FOXP1: variants seen among roughly 807,000 people sequenced by gnomAD.
The protein encoded by FOXP1 is forkhead box P1, also known as forkhead box protein P1.
In FOXP1, 15 loss-of-function variants were observed where a neutral mutation model predicts 98.2. That is an observed-to-expected ratio of 0.15 (90% CI 0.10 to 0.24). The LOEUF (loss-of-function observed/expected upper bound fraction) is 0.24. FOXP1 is among the 10% of genes least tolerant of loss of function. The pLI is 1.00. For missense variants in FOXP1, 633 were observed against 848.5 expected (o/e 0.75, Z 3.15); for synonymous variants, 371 against 314.5 (o/e 1.18, Z -1.90).
intron 6 of FOXP1, among the ~76,000 whole-genome samples, chr3:71,161,721 T>C (rs951000588): frequency 6.6e-6 from 1 of 152,238 alleles, no homozygotes; most frequent in Admixed American, 6.5e-5. Flanking sequence ...CCATCAGAGT[T>C]GTGCTTTACA....
rs112098084 is a variant in FOXP1 at position 70,956,415 on chromosome 3, CT to C, written c.*2831del. ...CAAAGATATGTAAAATCTAATTTTTCTTTTTTTTTTTTTTTTGCTACAGTCT... is the reference window on the plus strand; with the variant it reads ...CAAAGATATGTAAAATCTAATTTTTCTTTTTTTTTTTTTTTGCTACAGTCT... On this transcript the variant is annotated 3_prime_UTR_variant, in exon 21 of 21. Transcript: ENST00000649528. 19,210 of 181,818 alleles carry C rather than the reference CT, an allele frequency of 0.11. 102 individuals carry two copies. The highest frequency in any genetic ancestry group is 0.19 in the East Asian group (2,250 of 12,104). The allele number at this position is 181,818 out of a possible 1,614,324, so 11.3% of individuals were successfully genotyped here.
intron 2 of FOXP1, among the ~76,000 whole-genome samples, chr3:71,496,817 G>C (rs1034743000): frequency 6.6e-6 from 1 of 151,278 alleles, no homozygotes; most frequent in Non-Finnish European, 1.5e-5. Context: ...AAAAACAAAA[G>C]AAACAAACAA....
intron 6 of FOXP1, among the ~76,000 whole-genome samples, chr3:71,193,879 G>C (rs1458903977): frequency 6.6e-6 from 1 of 152,096 alleles, no homozygotes; most frequent in Non-Finnish European, 1.5e-5. Flanking sequence ...AATTCAACCC[G>C]ATGGGTCCTC....
chr3:71,004,621 T>C (rs1044394573), intron 12 of FOXP1, among the ~76,000 whole-genome samples: 5 of 152,182 alleles, frequency 3.3e-5, no homozygotes, highest in African/African-American at 1.2e-4. Flanking sequence ...TGTGCACATT[T>C]TGACGACTTA....
intron 4 of FOXP1, among the ~76,000 whole-genome samples, chr3:71,318,862 T>C (rs1213499546): frequency 6.6e-6 from 1 of 152,192 alleles, no homozygotes; most frequent in African/African-American, 2.4e-5. Context: ...GAAGTCGTAT[T>C]AACTCCCCAT....
intron 3 of FOXP1, among the ~76,000 whole-genome samples, chr3:71,394,825 G>A (rs1429924845): frequency 1.3e-5 from 2 of 152,140 alleles, no homozygotes; most frequent in Admixed American, 6.5e-5. Context: ...TGGAGGCTGG[G>A]CGCGGTGGCT....
At chr3:71,384,234 AAACAAACAAACC>A (rs879906212) in intron 3 of FOXP1, among the ~76,000 whole-genome samples, 7 of 152,156 alleles carry the variant, frequency 4.6e-5, no homozygotes, top group Non-Finnish European at 7.4e-5. Context: ...ACAAACAAAC[AAACAAACAAACC>A]AACAAACAAA....
intron 3 of FOXP1, among the ~76,000 whole-genome samples, chr3:71,368,878 G>T (rs1577164713): frequency 1.3e-5 from 2 of 152,172 alleles, no homozygotes; most frequent in African/African-American, 4.8e-5. Flanking sequence ...CAACAGACAT[G>T]AAGGGAAGAA....
chr3:70,962,224 T>G (rs543361075), intron 20 of FOXP1, among the ~76,000 whole-genome samples: 1 of 152,364 alleles, frequency 6.6e-6, no homozygotes, highest in South Asian at 2.1e-4. Flanking sequence ...TGTTGACATA[T>G]GTCAGTTTCT....
chr3:70,973,098 T>C (rs2036631869), intron 17 of FOXP1, among the ~76,000 whole-genome samples: 1 of 152,230 alleles, frequency 6.6e-6, no homozygotes, highest in Admixed American at 6.5e-5. Flanking sequence ...TGGTTAATAC[T>C]GCTAAATACA....
chr3:71,413,102 G>C (rs1021893498), intron 3 of FOXP1, among the ~76,000 whole-genome samples: 2 of 150,768 alleles, frequency 1.3e-5, no homozygotes, highest in African/African-American at 4.9e-5. Flanking sequence ...CAGCCAACCG[G>C]CTATTCAGCT....
At chr3:70,963,179 C>T (rs1003321009) in intron 20 of FOXP1, among the ~76,000 whole-genome samples, 1 of 152,190 alleles carries the variant, frequency 6.6e-6, no homozygotes, top group Non-Finnish European at 1.5e-5. Flanking sequence ...CCTGTAGGCT[C>T]GACTCCCAGT....
At chr3:71,439,563 C>T (rs535421189) in intron 3 of FOXP1, among the ~76,000 whole-genome samples, 2 of 152,282 alleles carry the variant, frequency 1.3e-5, no homozygotes, top group South Asian at 4.1e-4. Context: ...ATTCACAATA[C>T]TTAAACGGTG....
intron 5 of FOXP1, among the ~76,000 whole-genome samples, chr3:71,246,069 T>TA (rs1290543764): frequency 3.5e-5 from 5 of 142,702 alleles, no homozygotes; most frequent in African/African-American, 1.3e-4. Context: ...ATAAGGAGGG[T>TA]AACAATGCTG....
At chr3:71,142,978 A>G (rs1047694646) in intron 6 of FOXP1, among the ~76,000 whole-genome samples, 9 of 152,004 alleles carry the variant, frequency 5.9e-5, no homozygotes, top group Non-Finnish European at 1.0e-4. Flanking sequence ...AGGGCAGGGC[A>G]GGGCAGGGCA....
chr3:71,019,999 T>G (rs1003583984), intron 11 of FOXP1, among the ~76,000 whole-genome samples: 4 of 152,184 alleles, frequency 2.6e-5, no homozygotes, highest in Admixed American at 2.6e-4. Flanking sequence ...TAAAAATGTC[T>G]TGTAGGTAAA....
At chr3:71,182,508 G>A (rs2062378268) in intron 6 of FOXP1, among the ~76,000 whole-genome samples, 1 of 146,866 alleles carries the variant, frequency 6.8e-6, no homozygotes, top group African/African-American at 2.5e-5. Context: ...ATATATGTGT[G>A]TGTGTGTGTG....
chr3:71,488,434 T>C (rs549129024), intron 3 of FOXP1, among the ~76,000 whole-genome samples: 2 of 152,316 alleles, frequency 1.3e-5, no homozygotes, highest in South Asian at 4.1e-4. Context: ...GTGGAGGTTC[T>C]TTCATCAGCT....
chr3:71,508,733 C>T (rs1481778037), intron 2 of FOXP1, among the ~76,000 whole-genome samples: 1 of 152,200 alleles, frequency 6.6e-6, no homozygotes, highest in Admixed American at 6.5e-5. Context: ...CCTACAACCA[C>T]CCCTCTCTGG....
Sources: gnomAD v4.1 joint callset for allele counts (sites outside exome capture counted in the v4.1 genomes callset) on GRCh38, gnomAD v4.1.1 for gene constraint, MANE v1.5 for transcripts, NCBI Gene and HGNC (gene_info 2026-07-23, HGNC 2026-07-21) for gene names.